Variants in PLPPR1 observed in about 807,000 individuals in gnomAD.
PLPPR1 encodes phospholipid phosphatase-related protein type 1.
A neutral mutation model predicts 33.1 loss-of-function variants in PLPPR1; 10 were observed. The ratio of observed to expected loss-of-function variants is 0.30; its 90% confidence interval spans 0.19 to 0.51. PLPPR1 has a LOEUF of 0.51. Ranked by LOEUF, PLPPR1 falls within the 20% of genes least tolerant of loss-of-function variation. The pLI, the probability that PLPPR1 is intolerant of heterozygous loss-of-function variation, is 0.97. For synonymous variants in PLPPR1, 151 were observed against 151.0 expected (o/e 1.00, Z 0.00); for missense variants, 304 against 408.1 (o/e 0.74, Z 2.20).
At chr9:101,319,476 T>C (rs1829114662) in intron 7 of PLPPR1, among the ~76,000 whole-genome samples, 1 of 151,920 alleles carries the variant, frequency 6.6e-6, no homozygotes, top group South Asian at 2.1e-4. Flanking sequence ...CTTGGGGGGG[T>C]TGGAACAAGA....
At chr9:101,125,342 ATCTCTACTTACTTACTTG>A (rs898189932) in intron 1 of PLPPR1, 9 of 168,514 alleles carry the variant, frequency 5.3e-5, no homozygotes, top group Non-Finnish European at 8.8e-5. Context: ...TAACTTACTT[ATCTCTACTTACTTACTTG>A]TCTCTACTTA....
intron 1 of PLPPR1, among the ~76,000 whole-genome samples, chr9:101,178,735 C>T (rs546589796): frequency 5.7e-4 from 87 of 152,194 alleles, no homozygotes; most frequent in African/African-American, 1.9e-3. Context: ...GGGCAGAGTT[C>T]GCCAGAAGGC....
chr9:101,049,903 A>G (rs987220579), intron 1 of PLPPR1, among the ~76,000 whole-genome samples: 3 of 151,960 alleles, frequency 2.0e-5, no homozygotes, highest in Non-Finnish European at 4.4e-5. Context: ...AGGTGGGCAG[A>G]TCACCTGAGG....
intron 2 of PLPPR1, among the ~76,000 whole-genome samples, chr9:101,200,359 C>A (rs1458487472): frequency 6.6e-6 from 1 of 152,076 alleles, no homozygotes; most frequent in Non-Finnish European, 1.5e-5. Context: ...GGGAAGTGAT[C>A]CCATCCAACA....
intron 2 of PLPPR1, among the ~76,000 whole-genome samples, chr9:101,232,330 G>A (rs758298560): frequency 6.6e-5 from 10 of 152,026 alleles, no homozygotes; most frequent in Non-Finnish European, 8.8e-5. Flanking sequence ...GCCTTGGAGT[G>A]TCTGTTCTCA....
intron 2 of PLPPR1, among the ~76,000 whole-genome samples, chr9:101,238,293 C>CTATATATATATATATATATATATATA (rs1307945596): frequency 2.3e-4 from 30 of 130,342 alleles, no homozygotes; most frequent in Admixed American, 4.6e-4. Flanking sequence ...TATACATACC[C>CTATATATATATATATATATATATATA]TATATATATA....
intron 1 of PLPPR1, among the ~76,000 whole-genome samples, chr9:101,071,256 T>G (rs950054487): frequency 1.6e-4 from 25 of 152,068 alleles, no homozygotes; most frequent in African/African-American, 5.8e-4. Context: ...TCATTCTAGG[T>G]TTCTGGTTTA....
At chr9:101,156,293 T>C (rs2118661354) in intron 1 of PLPPR1, among the ~76,000 whole-genome samples, 1 of 152,124 alleles carries the variant, frequency 6.6e-6, no homozygotes, top group East Asian at 1.9e-4. Context: ...CTCACACCTG[T>C]AATCCCAGTA....
At chr9:101,287,100 A>G (rs933800997) in intron 4 of PLPPR1, among the ~76,000 whole-genome samples, 4 of 152,240 alleles carry the variant, frequency 2.6e-5, no homozygotes, top group African/African-American at 9.6e-5. Context: ...CAAATACCAC[A>G]TCAAAATCAA....
At chr9:101,090,173 A>G (rs1490269252) in intron 1 of PLPPR1, among the ~76,000 whole-genome samples, 2 of 152,140 alleles carry the variant, frequency 1.3e-5, no homozygotes, top group African/African-American at 4.8e-5. Flanking sequence ...TCCTTTTTAT[A>G]TAACGACATG....
At chr9:101,277,214 G>A (rs561001373) in intron 3 of PLPPR1, among the ~76,000 whole-genome samples, 21 of 152,290 alleles carry the variant, frequency 1.4e-4, no homozygotes, top group Admixed American at 5.2e-4. Context: ...CTAAAAATCC[G>A]TAAGACTGAG....
At chr9:101,099,127 G>A (rs1830861055) in intron 1 of PLPPR1, among the ~76,000 whole-genome samples, 1 of 151,566 alleles carries the variant, frequency 6.6e-6, no homozygotes, top group Non-Finnish European at 1.5e-5. Flanking sequence ...GGGGAGGAGT[G>A]TGTTGGTCAG....
chr9:101,149,078 T>G (rs1263460476), intron 1 of PLPPR1, among the ~76,000 whole-genome samples: 1 of 152,208 alleles, frequency 6.6e-6, no homozygotes, highest in Non-Finnish European at 1.5e-5. Flanking sequence ...AGCACCAGTG[T>G]TATGTATTCT....
At chr9:101,282,984 C>T (rs1006651497) in intron 3 of PLPPR1, among the ~76,000 whole-genome samples, 5 of 152,146 alleles carry the variant, frequency 3.3e-5, no homozygotes, top group Non-Finnish European at 7.4e-5. Flanking sequence ...AGATTCAACT[C>T]ATTTGCTACC....
At chr9:101,236,558 A>ACACT (rs1484555415) in intron 2 of PLPPR1, among the ~76,000 whole-genome samples, 1 of 151,270 alleles carries the variant, frequency 6.6e-6, no homozygotes, top group African/African-American at 2.4e-5. Context: ...ACACACACAC[A>ACACT]CATTTTCTTC....
At chr9:101,125,853 T>A in intron 1 of PLPPR1, 2 of 529,934 alleles carry the variant, frequency 3.8e-6, no homozygotes, top group South Asian at 2.7e-5. Context: ...GTAGTAGGAG[T>A]AGAGGTTGAA....
chr9:101,220,992 C>A (rs1826921251), intron 2 of PLPPR1, among the ~76,000 whole-genome samples: 1 of 152,166 alleles, frequency 6.6e-6, no homozygotes, highest in Non-Finnish European at 1.5e-5. Context: ...GCTTCTACAC[C>A]AATTTTGTTA....
intron 1 of PLPPR1, among the ~76,000 whole-genome samples, chr9:101,088,398 TG>T (rs1205597262): frequency 2.6e-5 from 4 of 150,956 alleles, no homozygotes; most frequent in African/African-American, 7.4e-5. Context: ...AAATAATTAT[TG>T]AAAAAAAGTA....
intron 5 of PLPPR1, among the ~76,000 whole-genome samples, chr9:101,311,681 T>C (rs114395096): frequency 0.022 from 3,380 of 152,310 alleles, 138 homozygotes; most frequent in African/African-American, 0.077. Context: ...TATCTTCTGG[T>C]ATTCTCACCA....
Sources: allele counts gnomAD v4.1 joint callset (sites outside exome capture counted in the v4.1 genomes callset), GRCh38; gene constraint gnomAD v4.1.1; transcripts MANE v1.5; gene names NCBI Gene and HGNC (gene_info 2026-07-23, HGNC 2026-07-21).